The following EFCAB14 variants were observed in gnomAD, a reference collection of about 807,000 sequenced individuals.
EFCAB14 encodes EF-hand calcium-binding domain-containing protein 14.
A neutral mutation model predicts 56.5 loss-of-function variants in EFCAB14; 43 were observed. The ratio of observed to expected loss-of-function variants is 0.76; its 90% CI spans 0.60 to 0.98. The LOEUF (loss-of-function observed/expected upper bound fraction) is 0.98. Ranked by LOEUF, EFCAB14 falls within the 50% of genes least tolerant of loss-of-function variation. The probability of loss-of-function intolerance (pLI) is 0.00; values close to 1 mark genes in which losing one functional copy is unlikely to be tolerated. For synonymous variants in EFCAB14, 235 were observed against 212.9 expected (o/e 1.10, Z -0.90); for missense variants, 538 against 580.3 (o/e 0.93, Z 0.75).
intron 3 of EFCAB14, among the ~76,000 whole-genome samples, chr1:46,702,480 G>C (rs1677172609): frequency 6.6e-6 from 1 of 152,130 alleles, no homozygotes; most frequent in Admixed American, 6.5e-5. Context: ...TTTACTTTTA[G>C]TATTGCTACA....
chr1:46,711,905 C>T (rs1267385172), intron 2 of EFCAB14, among the ~76,000 whole-genome samples: 15 of 152,186 alleles, frequency 9.9e-5, no homozygotes, highest in Admixed American at 9.8e-4. Flanking sequence ...CTAGTATATA[C>T]AAAAGACCCT....
intron 1 of EFCAB14, 144 bp downstream of exon 1, chr1:46,717,759 C>T (rs1677420203): frequency 2.6e-6 from 2 of 772,962 alleles, no homozygotes; most frequent in East Asian, 5.4e-5. Flanking sequence ...TTACCTTCTC[C>T]CTAAAACCGT....
At chr1:46,690,000 C>G (rs1676965468) in intron 5 of EFCAB14, among the ~76,000 whole-genome samples, 2 of 152,132 alleles carry the variant, frequency 1.3e-5, no homozygotes, top group Non-Finnish European at 2.9e-5. Context: ...TGCCTGTGCT[C>G]CCAGAGAAAC....
chr1:46,707,585 A>G, intron 3 of EFCAB14, among the ~76,000 whole-genome samples: 1 of 152,374 alleles, frequency 6.6e-6, no homozygotes, highest in East Asian at 1.9e-4. Context: ...CTTGGGGGTT[A>G]GATGACACTC....
chr1:46,682,992 A>G (rs554333567), intron 10 of EFCAB14, among the ~76,000 whole-genome samples: 1 of 148,430 alleles, frequency 6.7e-6, no homozygotes, highest in Non-Finnish European at 1.5e-5. Flanking sequence ...ACTGCACTCC[A>G]GCCTGGGGGT....
In EFCAB14 at chr1:46,718,640, G is replaced by A. The variant is rs1229698239; in HGVS notation, c.-553C>T. On this transcript the variant is annotated 5_prime_UTR_variant, in exon 1 of 11. Transcript: ENST00000371933. Reference sequence around the variant, plus strand: ...TTCCTTGCAGGAGAGGTGGCGGCAGGAGGGGGCTCCCAGCAGCTACAATCC... The same window carrying A: ...TTCCTTGCAGGAGAGGTGGCGGCAGAAGGGGGCTCCCAGCAGCTACAATCC... 6.5e-6 allele frequency: 1 copy of A among 152,722 alleles called. No individual in the cohort carries two copies. The highest frequency in any genetic ancestry group is 1.5e-5 in the Non-Finnish European group (1 of 68,504). 9.5% of individuals were successfully genotyped at this position (152,722 alleles called of 1,614,324 possible).
In EFCAB14 at chr1:46,716,511, T is replaced by C. The variant is rs1677397624; in HGVS notation, c.186-68A>G. The C allele has an allele frequency of 2.6e-6, 4 of 1,552,516 alleles. No individual in the cohort carries two copies. In the South Asian group the frequency reaches 3.5e-5, roughly 13 times the overall value. On this transcript the variant is annotated intron_variant, in intron 1 of 10. Coordinates refer to ENST00000371933, the MANE Select transcript of EFCAB14 (RefSeq NM_014774.3). ...ATGGGTATAGCTTTATTAGCAATAG[T>C]ACACGTTTTGCCATGCAATTATCTC...
At chr1:46,693,998 A>G (rs1046627994) in intron 4 of EFCAB14, among the ~76,000 whole-genome samples, 5 of 152,252 alleles carry the variant, frequency 3.3e-5, no homozygotes, top group Admixed American at 1.3e-4. Flanking sequence ...TATTTAATAA[A>G]TGGTGCTGGG....
At position 46,688,507 on chromosome 1, in the gene EFCAB14, T is replaced by C. The variant is rs747439604; in HGVS notation, c.833A>G (p.Asn278Ser). Residue 278 changes from asparagine (N) to serine (S), a missense_variant, in exon 7 of 11, where the codon AAC (asparagine) becomes AGC (serine). Physicochemically the swap from Asn to Ser is conservative, Grantham distance 46 (BLOSUM62 1). Coordinates refer to ENST00000371933, the MANE Select transcript of EFCAB14 (RefSeq NM_014774.3). ...LYLHNSLEEV[N>S]SALVGYQRQN... ...TCTCTGGTACCCCACTAGGGCACTG[T>C]TTACCTCCTCTAAAGAGTTGTGAAG... 7.4e-6 allele frequency: 12 copies of C among 1,613,648 alleles called. No individual in the cohort carries two copies. In the African/African-American group the frequency reaches 1.1e-4, roughly 14 times the overall value.
intron 3 of EFCAB14, among the ~76,000 whole-genome samples, chr1:46,699,653 A>G (rs1051162481): frequency 1.3e-5 from 2 of 152,158 alleles, no homozygotes; most frequent in African/African-American, 4.8e-5. Context: ...GTAACTGGGT[A>G]TAATAATAAT....
In EFCAB14 at chr1:46,683,303, C is replaced by T. The variant is rs868174473; in HGVS notation, c.1309G>A (p.Glu437Lys). 6.2e-7 allele frequency: 1 copy of T among 1,612,800 alleles called. No homozygotes were observed. The highest frequency in any genetic ancestry group is 8.5e-7 in the Non-Finnish European group (1 of 1,179,626). Residue 437 changes from glutamate to lysine, a missense_variant, in exon 10 of 11, where the codon GAA becomes AAA. Physicochemically the swap from Glu to Lys is moderately conservative, Grantham distance 56. Coordinates refer to ENST00000371933, the MANE Select transcript of EFCAB14 (RefSeq NM_014774.3). ...ACCCCGTGGTATAAAAATTTACCTT[C>T]AGTGCTAGAAACTCCTGGTAGGGAG... ...PISLPGVSST[E>K]DLQDLFRKTG...
intron 3 of EFCAB14, among the ~76,000 whole-genome samples, chr1:46,703,258 C>T (rs1040255088): frequency 2.0e-5 from 3 of 152,142 alleles, no homozygotes; most frequent in Admixed American, 1.3e-4. Flanking sequence ...TACAGGTGCT[C>T]GCCACCACGC....
At chr1:46,704,476 CA>C (rs35092498) in intron 3 of EFCAB14, among the ~76,000 whole-genome samples, 19,279 of 73,628 alleles carry the variant, frequency 0.26, 1,053 homozygotes, top group East Asian at 0.38. Flanking sequence ...GATTGTGTCT[CA>C]AAAAAAAAAA....
At chr1:46,711,510 A>C (rs2148850676) in intron 2 of EFCAB14, among the ~76,000 whole-genome samples, 1 of 152,352 alleles carries the variant, frequency 6.6e-6, no homozygotes. Context: ...CTATGAGCCA[A>C]GAGGGGATCA....
Position 46,719,088 on chromosome 1 carries a change from G to C in EFCAB14, c.-1001C>G, listed in dbSNP as rs1478882744. ...CGGCGGCCGCGAGCTCCAGCCCCGG[G>C]CCATCGCTCCAGCCCCAGATCACTT... On this transcript the variant is annotated 5_prime_UTR_variant, in exon 1 of 11. Coordinates refer to ENST00000371933, the MANE Select transcript of EFCAB14 (RefSeq NM_014774.3). This position sits in a 1 kb window ranked among gnomAD's most constrained non-coding sequence, Gnocchi z 4.0. 6.4e-6 allele frequency: 1 copy of C among 157,278 alleles called. No homozygotes were observed. The highest frequency in any genetic ancestry group is 1.4e-5 in the Non-Finnish European group (1 of 71,688). The allele number at this position is 157,278 out of a possible 1,614,324, so 9.7% of individuals were successfully genotyped here.
chr1:46,681,712 A>G (rs1381874351), intron 10 of EFCAB14, among the ~76,000 whole-genome samples: 6 of 151,198 alleles, frequency 4.0e-5, no homozygotes, highest in Non-Finnish European at 8.8e-5. Context: ...AACATGCTAC[A>G]CTACGCACTT....
intron 4 of EFCAB14, among the ~76,000 whole-genome samples, chr1:46,695,848 T>C (rs2148845099): frequency 6.6e-6 from 1 of 152,232 alleles, no homozygotes; most frequent in African/African-American, 2.4e-5. Context: ...CCCAGCTAAC[T>C]TTAAAATTTT....
intron 3 of EFCAB14, among the ~76,000 whole-genome samples, chr1:46,704,597 G>A (rs573007324): frequency 6.6e-6 from 1 of 151,932 alleles, no homozygotes; most frequent in African/African-American, 2.4e-5. Context: ...CACCAAATCT[G>A]CTGGTGCCTT....
rs1156860397 is a variant in EFCAB14 at position 46,677,534 on chromosome 1, T to A, written c.*927A>T. 6.6e-6 allele frequency: 1 copy of A among 152,016 alleles called. No homozygotes were observed. The highest frequency in any genetic ancestry group is 2.4e-5 in the African/African-American group (1 of 41,374). The allele number at this position is 152,016 out of a possible 1,614,324, so 9.4% of individuals were successfully genotyped here. A position where few individuals can be genotyped will look rare whatever the true frequency, so the allele number is the denominator to read the frequency against. On this transcript the variant is annotated 3_prime_UTR_variant, in exon 11 of 11. Coordinates refer to ENST00000371933, the MANE Select transcript of EFCAB14 (RefSeq NM_014774.3). ...GGGGAATTTAGCCCTGCCATTCAAA[T>A]GGAGATGGTACTGGTGGTGGGAGCC...
Sources: gnomAD v4.1 joint callset for allele counts (sites outside exome capture counted in the v4.1 genomes callset) on GRCh38, gnomAD v4.1.1 for gene constraint, Gnocchi (gnomAD v3.1) non-coding constraint, MANE v1.5 for transcripts, NCBI Gene and HGNC (gene_info 2026-07-23, HGNC 2026-07-21) for gene names.